GRIN2B: variants seen among roughly 807,000 people sequenced by gnomAD.
The protein encoded by GRIN2B is glutamate receptor ionotropic, NMDA 2B.
In GRIN2B, 5 loss-of-function variants were observed where a neutral mutation model predicts 114.5. The ratio of observed to expected loss-of-function variants is 0.04; its 90% CI spans 0.02 to 0.09. GRIN2B has a LOEUF of 0.09. Ranked by LOEUF, GRIN2B falls within the 10% of genes least tolerant of loss-of-function variation. The pLI, the probability that GRIN2B is intolerant of heterozygous loss-of-function variation, is 1.00. For synonymous variants in GRIN2B, 787 were observed against 745.1 expected (o/e 1.06, Z -0.92); for missense variants, 1,108 against 1,943.5 (o/e 0.57, Z 8.08).
intron 3 of GRIN2B, among the ~76,000 whole-genome samples, chr12:13,811,886 T>C (rs547336450): frequency 2.0e-5 from 3 of 152,310 alleles, no homozygotes; most frequent in East Asian, 3.9e-4. Context: ...TATGAACATG[T>C]AGTAAACATA....
chr12:13,537,368 T>C lies in GRIN2B; in HGVS notation c.*25415A>G, dbSNP rs1237862873. ...CCAAGTTTAAATTTTATGTGTAGAATTTCCTTTACATAGAGGAGCTTTGCA... is the reference window on the plus strand; with the variant it reads ...CCAAGTTTAAATTTTATGTGTAGAACTTCCTTTACATAGAGGAGCTTTGCA... On this transcript the variant is annotated 3_prime_UTR_variant, in exon 14 of 14. Transcript: ENST00000609686. The C allele has an allele frequency of 6.6e-6, 1 of 152,186 alleles. No homozygotes were observed. Among genetic ancestry groups the C allele is most frequent in the Non-Finnish European group, 1.5e-5 (1 of 68,040 alleles). The allele number at this position is 152,186 out of a possible 1,614,324, so 9.4% of individuals were successfully genotyped here.
chr12:13,788,852 G>C lies in GRIN2B; in HGVS notation c.412-34937C>G, dbSNP rs1591731400. ...AGAGACCACTTCCCTTTTTCTCCAA[G>C]GAAGACCTGCCTTGGCCTGAGCATC... On this transcript the variant is annotated intron_variant, in intron 3 of 13. Transcript: ENST00000609686. Among the ~76,000 whole-genome samples, 9 of 152,278 alleles carry C rather than the reference G, an allele frequency of 5.9e-5. 1 individual carries two copies. The highest frequency in any genetic ancestry group is 5.9e-4 in the Admixed American group (9 of 15,294).
chr12:13,967,794 C>G (rs1337401338), intron 2 of GRIN2B, among the ~76,000 whole-genome samples: 1 of 152,104 alleles, frequency 6.6e-6, no homozygotes, highest in African/African-American at 2.4e-5. Context: ...AGACCTGGAG[C>G]TGAGGATCCC....
intron 3 of GRIN2B, among the ~76,000 whole-genome samples, chr12:13,767,625 A>G (rs1254309659): frequency 6.6e-6 from 1 of 152,160 alleles, no homozygotes; most frequent in East Asian, 1.9e-4. Context: ...GTAAGGCACA[A>G]TGTTTTTGTC....
intron 3 of GRIN2B, among the ~76,000 whole-genome samples, chr12:13,795,889 A>T (rs1864410911): frequency 6.6e-6 from 1 of 152,114 alleles, no homozygotes; most frequent in South Asian, 2.1e-4. Context: ...CAATGAGAAC[A>T]CGTGGACAAA....
At chr12:13,795,296 C>T (rs220560) in intron 3 of GRIN2B, among the ~76,000 whole-genome samples, 60,846 of 150,798 alleles carry the variant, frequency 0.4, 12,605 homozygotes, top group East Asian at 0.55. Context: ...TTTTAGGTGG[C>T]AAGGTAGATA....
chr12:13,571,378 ATT>A (rs1948706532), intron 11 of GRIN2B, among the ~76,000 whole-genome samples: 3 of 152,190 alleles, frequency 2.0e-5, no homozygotes, highest in African/African-American at 7.2e-5. Context: ...CAGTCAACGC[ATT>A]CTTACTGTTA....
intron 3 of GRIN2B, among the ~76,000 whole-genome samples, chr12:13,850,941 A>G (rs748042789): frequency 2.4e-4 from 36 of 152,256 alleles, no homozygotes; most frequent in South Asian, 4.1e-4. Context: ...TCTAAATCCT[A>G]GGTCTCCTTT....
intron 4 of GRIN2B, among the ~76,000 whole-genome samples, chr12:13,723,718 G>C (rs1862921066): frequency 6.6e-6 from 1 of 152,134 alleles, no homozygotes; most frequent in South Asian, 2.1e-4. Flanking sequence ...GGATAAGCTA[G>C]TGGTAGAGGG....
chr12:13,864,639 A>G (rs1485450627), intron 3 of GRIN2B, among the ~76,000 whole-genome samples: 2 of 152,244 alleles, frequency 1.3e-5, no homozygotes, highest in Admixed American at 1.3e-4. Flanking sequence ...ATAACTGAAT[A>G]ACTGATAGTA....
At chr12:13,966,669 A>G (rs1356205389) in intron 2 of GRIN2B, among the ~76,000 whole-genome samples, 1 of 152,210 alleles carries the variant, frequency 6.6e-6, no homozygotes, top group African/African-American at 2.4e-5. Flanking sequence ...ACTAAGCATC[A>G]CACTGCACCA....
chr12:13,970,245 G>A (rs1867852629), intron 2 of GRIN2B, among the ~76,000 whole-genome samples: 1 of 152,184 alleles, frequency 6.6e-6, no homozygotes, highest in Non-Finnish European at 1.5e-5. Flanking sequence ...TTAGTGATGA[G>A]AGAGAGCTTT....
intron 3 of GRIN2B, among the ~76,000 whole-genome samples, chr12:13,801,813 A>G (rs975644602): frequency 6.6e-6 from 1 of 152,108 alleles, no homozygotes; most frequent in African/African-American, 2.4e-5. Context: ...ACTGTCTTAC[A>G]TGTCATCCAT....
intron 10 of GRIN2B, among the ~76,000 whole-genome samples, chr12:13,588,950 A>G (rs1948969048): frequency 6.6e-6 from 1 of 152,196 alleles, no homozygotes. Flanking sequence ...TTACCATCCT[A>G]TTTTTTAAGA....
chr12:13,866,267 A>G lies in GRIN2B; in HGVS notation c.-18-41T>C, dbSNP rs199716935. ...AAGAGCATGTTAAAATAGGATCTAC[A>G]TCACGTAACCTGTCTTAGAAGAGGC... On this transcript the variant is annotated intron_variant, in intron 2 of 13. Transcript: ENST00000609686. 2.6e-5 allele frequency: 40 copies of G among 1,554,868 alleles called. 1 individual carries two copies. The South Asian group carries it at 4.3e-4, about 17-fold the overall frequency.
intron 10 of GRIN2B, among the ~76,000 whole-genome samples, chr12:13,587,543 C>A (rs1233991875): frequency 6.6e-6 from 1 of 151,704 alleles, no homozygotes; most frequent in Admixed American, 6.6e-5. Flanking sequence ...TTTGTAAAGA[C>A]AGATATTTGT....
chr12:13,970,275 G>A (rs1033512607), intron 2 of GRIN2B, among the ~76,000 whole-genome samples: 2 of 152,118 alleles, frequency 1.3e-5, no homozygotes, highest in Non-Finnish European at 2.9e-5. Context: ...TGTCCATATC[G>A]AACACAATGT....
intron 2 of GRIN2B, among the ~76,000 whole-genome samples, chr12:13,870,662 C>T (rs1865890374): frequency 6.6e-6 from 1 of 151,944 alleles, no homozygotes; most frequent in African/African-American, 2.4e-5. Flanking sequence ...AAGCACCATC[C>T]CTTAATGCAG....
chr12:13,786,337 T>G (rs950548159), intron 3 of GRIN2B, among the ~76,000 whole-genome samples: 1 of 152,182 alleles, frequency 6.6e-6, no homozygotes, highest in Non-Finnish European at 1.5e-5. Flanking sequence ...AATATACAAC[T>G]GAACTAAATG....
Sources: allele counts gnomAD v4.1 joint callset (sites outside exome capture counted in the v4.1 genomes callset), GRCh38; gene constraint gnomAD v4.1.1; transcripts MANE v1.5; gene names NCBI Gene and HGNC (gene_info 2026-07-23, HGNC 2026-07-21).